Variants in DLG2 observed in about 807,000 individuals in gnomAD.
The protein encoded by DLG2 is disks large homolog 2.
DLG2 carries 45 observed loss-of-function variants against 132.5 expected under a neutral mutation model. The ratio of observed to expected loss-of-function variants is 0.34; its 90% CI spans 0.27 to 0.44. The LOEUF (loss-of-function observed/expected upper bound fraction) is 0.44. Among genes scored for constraint, DLG2 ranks in the 20% least tolerant of loss-of-function variants. The pLI, the probability that DLG2 is intolerant of heterozygous loss-of-function variation, is 1.00. For synonymous variants in DLG2, 424 were observed against 419.6 expected, an observed-to-expected ratio of 1.01 and a Z score of -0.13; for missense variants, 1,045 against 1,196.9, an observed-to-expected ratio of 0.87 and a Z score of 1.87.
intron 6 of DLG2, among the ~76,000 whole-genome samples, chr11:84,746,717 C>T (rs2065412363): frequency 6.6e-6 from 1 of 152,164 alleles, no homozygotes; most frequent in Admixed American, 6.6e-5. Flanking sequence ...ACAGAAAAGA[C>T]AATAATTCAA....
intron 7 of DLG2, among the ~76,000 whole-genome samples, chr11:84,393,338 T>C (rs2098799552): frequency 6.6e-6 from 1 of 152,192 alleles, no homozygotes; most frequent in Non-Finnish European, 1.5e-5. Flanking sequence ...TAGAAGAGTA[T>C]ATAAAATATG....
chr11:83,991,666 T>C (rs2093720551), intron 11 of DLG2, among the ~76,000 whole-genome samples: 1 of 152,076 alleles, frequency 6.6e-6, no homozygotes, highest in African/African-American at 2.4e-5. Flanking sequence ...CTTACCATAA[T>C]AACTGAAGTT....
chr11:84,240,833 AAGACCTAGAAATAGAGTGATAAAATC>A, intron 8 of DLG2, among the ~76,000 whole-genome samples: 1 of 152,230 alleles, frequency 6.6e-6, no homozygotes, highest in Non-Finnish European at 1.5e-5. Context: ...GATAAAAATT[AAGACCTAGAAATAGAGTGATAAAATC>A]AGATGTCATA....
At chr11:83,602,594 A>C (rs17145710) in intron 19 of DLG2, among the ~76,000 whole-genome samples, 2,584 of 152,342 alleles carry the variant, frequency 0.017, 71 homozygotes, top group African/African-American at 0.059. Flanking sequence ...TGGGCCCGGC[A>C]GACTGAATCT....
At chr11:83,573,791 A>G (rs2096834932) in intron 19 of DLG2, among the ~76,000 whole-genome samples, 1 of 152,162 alleles carries the variant, frequency 6.6e-6, no homozygotes, top group Admixed American at 6.6e-5. Flanking sequence ...AACAACAGAT[A>G]AGTTTGTCCC....
At position 85,484,179 on chromosome 11, in the gene DLG2, C is replaced by T. The variant is rs559766301; in HGVS notation, c.40+114478G>A. ...CGCAGTCCGCCCGGAGGATTCAACC[C>T]GGTGGCGGATCTTTCCCGCCCCCCG... On this transcript the variant is annotated intron_variant, in intron 3 of 27. Coordinates refer to ENST00000376104, the MANE Select transcript of DLG2 (RefSeq NM_001142699.3). Among the ~76,000 whole-genome samples the T allele has an allele frequency of 5.8e-3, 798 of 138,272 alleles. 7 individuals are homozygous for T. Among genetic ancestry groups the T allele is most frequent in the African/African-American group, 0.02 (751 of 36,876 alleles). The allele number at this position is 138,272 out of a possible 152,430, so 90.7% of individuals were successfully genotyped here.
Position 83,885,112 on chromosome 11 carries a change from G to A in DLG2, c.1497-10624C>T, listed in dbSNP as rs541280224. ...GCTGGACAGAGAATGACTTTGACAA[G>A]TTGAGAGAAGAAGGCTTCAGAGCAT... On this transcript the variant is annotated intron_variant, in intron 15 of 27. Transcript: ENST00000376104. Among the ~76,000 whole-genome samples the A allele has an allele frequency of 2.6e-4, 39 of 152,342 alleles. No individual in the cohort carries two copies. In the South Asian group the frequency reaches 5.4e-3, roughly 21 times the overall value.
chr11:85,358,068 A>C (rs936741993), intron 3 of DLG2, among the ~76,000 whole-genome samples: 4 of 152,076 alleles, frequency 2.6e-5, no homozygotes, highest in Non-Finnish European at 4.4e-5. Context: ...ATTAGAAAAG[A>C]AATATGGAAA....
chr11:83,512,638 C>T (rs1025184003), intron 21 of DLG2, among the ~76,000 whole-genome samples: 1 of 151,950 alleles, frequency 6.6e-6, no homozygotes. Context: ...CCAATTAACT[C>T]GTCATTTAAC....
intron 7 of DLG2, among the ~76,000 whole-genome samples, chr11:84,265,351 A>C (rs1208851396): frequency 6.6e-6 from 1 of 152,212 alleles, no homozygotes; most frequent in African/African-American, 2.4e-5. Flanking sequence ...AACAATGCTA[A>C]AAAGTTATAT....
chr11:85,266,023 G>A (rs760543874), intron 4 of DLG2, among the ~76,000 whole-genome samples: 39 of 152,184 alleles, frequency 2.6e-4, no homozygotes, highest in Non-Finnish European at 5.4e-4. Context: ...CTGTCACACT[G>A]GCCCTTTGCT....
chr11:83,690,278 C>A (rs974145748), intron 18 of DLG2, among the ~76,000 whole-genome samples: 13 of 151,170 alleles, frequency 8.6e-5, no homozygotes, highest in African/African-American at 2.9e-4. Context: ...CCCAGAAGCA[C>A]AGACCAAGCA....
At chr11:83,849,782 A>G (rs2059323377) in intron 16 of DLG2, among the ~76,000 whole-genome samples, 1 of 151,016 alleles carries the variant, frequency 6.6e-6, no homozygotes, top group Admixed American at 6.6e-5. Flanking sequence ...AAAGCATAAA[A>G]TATTACATTT....
intron 6 of DLG2, among the ~76,000 whole-genome samples, chr11:84,665,825 G>A (rs2099699223): frequency 1.3e-5 from 2 of 152,138 alleles, no homozygotes; most frequent in African/African-American, 4.8e-5. Flanking sequence ...GAAAAAGTGT[G>A]ATGAGTGACT....
At chr11:83,904,183 T>C (rs2154102089) in intron 15 of DLG2, among the ~76,000 whole-genome samples, 1 of 152,264 alleles carries the variant, frequency 6.6e-6, no homozygotes, top group South Asian at 2.1e-4. Flanking sequence ...ACTAAGGGAT[T>C]ATTCGGGTCC....
At chr11:84,814,100 G>A (rs866730643) in intron 6 of DLG2, among the ~76,000 whole-genome samples, 5 of 152,028 alleles carry the variant, frequency 3.3e-5, no homozygotes, top group East Asian at 1.9e-4. Context: ...TGGCTTTAGC[G>A]AAATGCGCTT....
intron 18 of DLG2, among the ~76,000 whole-genome samples, chr11:83,716,590 TC>T (rs1177759577): frequency 6.6e-6 from 1 of 152,088 alleles, no homozygotes; most frequent in East Asian, 1.9e-4. Flanking sequence ...TCAAAATGGA[TC>T]CCAAAAAAAG....
intron 21 of DLG2, among the ~76,000 whole-genome samples, chr11:83,484,564 G>GGGAATTGA (rs2093375198): frequency 6.6e-6 from 1 of 151,954 alleles, no homozygotes; most frequent in African/African-American, 2.4e-5. Context: ...ACCTTAGAAA[G>GGGAATTGA]GGAATTGAAT....
chr11:84,495,180 C>T (rs1333159904), intron 7 of DLG2, among the ~76,000 whole-genome samples: 2 of 152,144 alleles, frequency 1.3e-5, no homozygotes, highest in African/African-American at 4.8e-5. Context: ...TTTCCTACTA[C>T]TTGCTCTCAT....
Sources: gnomAD v4.1 joint callset for allele counts (sites outside exome capture counted in the v4.1 genomes callset) on GRCh38, gnomAD v4.1.1 for gene constraint, MANE v1.5 for transcripts, NCBI Gene and HGNC (gene_info 2026-07-23, HGNC 2026-07-21) for gene names.